The following CSMD1 variants were observed in gnomAD, a reference collection of about 807,000 sequenced individuals.
CSMD1 encodes CUB and Sushi multiple domains 1, also known as CUB and sushi domain-containing protein 1.
A neutral mutation model predicts 417.5 loss-of-function variants in CSMD1; 213 were observed. That is an observed-to-expected ratio of 0.51 (90% CI 0.46 to 0.57). The LOEUF is 0.57. CSMD1 is among the 20% of genes least tolerant of loss of function. The probability of loss-of-function intolerance (pLI) is 0.00; values close to 1 mark genes in which losing one functional copy is unlikely to be tolerated. For synonymous variants in CSMD1, 2,862 were observed against 1,736.8 expected (o/e 1.65, Z -16.11); for missense variants, 6,923 against 4,529.7 (o/e 1.53, Z -15.17).
In CSMD1 at chr8:3,775,024, G is replaced by C. The variant is rs189982823; in HGVS notation, c.819-20982C>G. 3.9e-5 allele frequency among the ~76,000 whole-genome samples: 6 copies of C among 152,160 alleles called. No homozygotes were observed. The East Asian group carries it at 7.8e-4, about 20-fold the overall frequency. ...CCCGGCAGGACCAAGCAGGATACAG[G>C]AGATTTCATCATGTTACTCAGAATA... On this transcript the variant is annotated intron_variant, in intron 5 of 69. Coordinates refer to ENST00000635120, the MANE Select transcript of CSMD1 (RefSeq NM_033225.6).
At chr8:4,645,763 A>T (rs1267890518) in intron 1 of CSMD1, among the ~76,000 whole-genome samples, 1 of 152,164 alleles carries the variant, frequency 6.6e-6, no homozygotes, top group Non-Finnish European at 1.5e-5. Flanking sequence ...AAAGATGATG[A>T]GTGGGATTTG....
At chr8:4,244,949 A>T (rs7838274) in intron 3 of CSMD1, among the ~76,000 whole-genome samples, 13,849 of 152,206 alleles carry the variant, frequency 0.091, 1,034 homozygotes, top group African/African-American at 0.2. Flanking sequence ...CTTGAAAACA[A>T]ATAAACTTTA....
Position 3,810,881 on chromosome 8 carries a change from A to G in CSMD1, c.819-56839T>C, listed in dbSNP as rs150317300. Among the ~76,000 whole-genome samples, 722 of 152,176 alleles carry G rather than the reference A, an allele frequency of 4.7e-3. 4 individuals are homozygous for G. Among genetic ancestry groups the G allele is most frequent in the Middle Eastern group, 0.024 (7 of 294 alleles). On this transcript the variant is annotated intron_variant, in intron 5 of 69. Coordinates refer to ENST00000635120, the MANE Select transcript of CSMD1 (RefSeq NM_033225.6). The stretch of plus-strand genomic sequence containing the variant: ...CTCCTGTTCAGCTTTAAACGCAGGC[A>G]TTTTCACCCTGAGATGTTGAGAAAA...
In CSMD1 at chr8:3,162,195, C is replaced by A. The variant is rs191637398; in HGVS notation, c.5808G>T (p.Val1936=). ...ACCCGGGCTCGCACTGGAAGGAGAG[C>A]ACGTCGTTCACCATGTACCGATCTC... ...KIGDRYMVND[V]LSFQCEPGYT... Residue 1936 remains valine (V), a synonymous_variant, in exon 38 of 70, where the codon GTG becomes GTT. Transcript: ENST00000635120. 20 of 1,610,258 alleles carry A rather than the reference C, an allele frequency of 1.2e-5. No homozygotes were observed. The South Asian group carries it at 2.1e-4, about 17-fold the overall frequency.
At chr8:4,542,056 T>A (rs1211298325) in intron 2 of CSMD1, among the ~76,000 whole-genome samples, 1 of 152,140 alleles carries the variant, frequency 6.6e-6, no homozygotes, top group Non-Finnish European at 1.5e-5. Flanking sequence ...AGTCCCCGTG[T>A]GCAATGGGCG....
intron 26 of CSMD1, among the ~76,000 whole-genome samples, chr8:3,254,299 C>T (rs558166119): frequency 6.6e-6 from 1 of 152,222 alleles, no homozygotes; most frequent in South Asian, 2.1e-4. Context: ...TCTCTGGCTG[C>T]CCTTAACATT....
chr8:4,829,121 T>C (rs950690221), intron 1 of CSMD1, among the ~76,000 whole-genome samples: 1 of 152,192 alleles, frequency 6.6e-6, no homozygotes, highest in Non-Finnish European at 1.5e-5. Context: ...AAATATCTGT[T>C]TCAGTCCTTT....
intron 22 of CSMD1, 67 bp from the exon 23 acceptor site, chr8:3,343,517 A>C (rs1461983821): frequency 5.2e-6 from 7 of 1,345,276 alleles, no homozygotes; most frequent in Non-Finnish European, 7.2e-6. Flanking sequence ...CAATGGTAAT[A>C]AACAATCCAA....
At chr8:4,374,963 G>GGC (rs199575143) in intron 3 of CSMD1, among the ~76,000 whole-genome samples, 8 of 102,438 alleles carry the variant, frequency 7.8e-5, no homozygotes, top group Non-Finnish European at 1.2e-4. Context: ...AGGTGGGGTG[G>GGC]GGGGGGGGGG....
At chr8:4,115,355 A>G (rs1171490264) in intron 3 of CSMD1, among the ~76,000 whole-genome samples, 1 of 152,240 alleles carries the variant, frequency 6.6e-6, no homozygotes, top group African/African-American at 2.4e-5. Flanking sequence ...ACTGTTGCAT[A>G]AAGGTTACAC....
chr8:4,200,282 A>G (rs569323484), intron 3 of CSMD1, among the ~76,000 whole-genome samples: 76 of 152,290 alleles, frequency 5.0e-4, no homozygotes, highest in African/African-American at 1.8e-3. Context: ...TTTTCAGAGG[A>G]TAATTTTTTT....
chr8:4,321,244 T>C (rs994882205), intron 3 of CSMD1, among the ~76,000 whole-genome samples: 3 of 152,126 alleles, frequency 2.0e-5, no homozygotes, highest in African/African-American at 7.2e-5. Context: ...CTACAGCTAG[T>C]CCCTGTGGCC....
intron 5 of CSMD1, among the ~76,000 whole-genome samples, chr8:3,908,849 C>G (rs2688315): frequency 0.041 from 6,235 of 152,258 alleles, 435 homozygotes; most frequent in African/African-American, 0.14. Flanking sequence ...ATTTTGACTT[C>G]TCAAATGTTA....
chr8:4,038,384 T>G (rs1221733312), intron 3 of CSMD1, among the ~76,000 whole-genome samples: 1 of 152,172 alleles, frequency 6.6e-6, no homozygotes, highest in Non-Finnish European at 1.5e-5. Flanking sequence ...TGTAAAATAT[T>G]GATGGAATTG....
chr8:3,552,335 T>A (rs1798952722), intron 10 of CSMD1, among the ~76,000 whole-genome samples: 2 of 152,204 alleles, frequency 1.3e-5, no homozygotes, highest in African/African-American at 4.8e-5. Flanking sequence ...TTCTCTTTTT[T>A]TTTGCATATT....
At chr8:4,412,613 G>T (rs1453723141) in intron 3 of CSMD1, among the ~76,000 whole-genome samples, 6 of 152,148 alleles carry the variant, frequency 3.9e-5, no homozygotes, top group Non-Finnish European at 7.4e-5. Flanking sequence ...TCTTAATGAA[G>T]TTGCAATGGT....
At chr8:4,432,958 C>T (rs1554474885) in intron 2 of CSMD1, among the ~76,000 whole-genome samples, 2 of 152,178 alleles carry the variant, frequency 1.3e-5, no homozygotes, top group Non-Finnish European at 2.9e-5. Flanking sequence ...CTCACGTTAC[C>T]AGCTGAGCTC....
At chr8:3,624,766 A>G (rs1382911404) in intron 7 of CSMD1, among the ~76,000 whole-genome samples, 1 of 152,186 alleles carries the variant, frequency 6.6e-6, no homozygotes, top group Non-Finnish European at 1.5e-5. Context: ...TGCTTTACTC[A>G]GTTTGAAATA....
In CSMD1 at chr8:4,149,830, G is replaced by C. The variant is rs78401958; in HGVS notation, c.416-117731C>G. Among the ~76,000 whole-genome samples the C allele has an allele frequency of 8.8e-3, 1,333 of 152,236 alleles. 23 individuals carry two copies. The highest frequency in any genetic ancestry group is 0.031 in the African/African-American group (1,277 of 41,540). ...TTCCTATTAAAATACCACTTTAATT[G>C]GTTCATTCTCTTTATAAATTAAATG... On this transcript the variant is annotated intron_variant, in intron 3 of 69. Coordinates refer to ENST00000635120, the MANE Select transcript of CSMD1 (RefSeq NM_033225.6).
Sources: allele counts gnomAD v4.1 joint callset (sites outside exome capture counted in the v4.1 genomes callset), GRCh38; gene constraint gnomAD v4.1.1; transcripts MANE v1.5; gene names NCBI Gene and HGNC (gene_info 2026-07-23, HGNC 2026-07-21).